The following URGCP variants were observed in gnomAD, a reference collection of about 807,000 sequenced individuals.
URGCP encodes upregulator of cell proliferation, also known as up-regulator of cell proliferation.
A neutral mutation model predicts 24.6 loss-of-function variants in URGCP; 13 were observed. That is an observed-to-expected ratio of 0.53 (90% CI 0.34 to 0.84). The LOEUF (loss-of-function observed/expected upper bound fraction) is 0.84. Ranked by LOEUF, URGCP falls within the 40% of genes least tolerant of loss-of-function variation. The pLI, the probability that URGCP is intolerant of heterozygous loss-of-function variation, is 0.01. For missense variants in URGCP, 899 were observed against 1,194.3 expected (o/e 0.75, Z 3.64); for synonymous variants, 444 against 487.2 (o/e 0.91, Z 1.17).
At chr7:43,903,194 C>CA (rs768015863) in intron 1 of URGCP, among the ~76,000 whole-genome samples, 10 of 149,482 alleles carry the variant, frequency 6.7e-5, no homozygotes, top group Non-Finnish European at 1.5e-4. Flanking sequence ...AAACAAAAAA[C>CA]AAATGTATGT....
Position 43,878,967 on chromosome 7 carries a change from C to T in URGCP, c.496G>A (p.Ala166Thr). 1.1e-5 allele frequency: 18 copies of T among 1,614,224 alleles called. No homozygotes were observed. The highest frequency in any genetic ancestry group is 1.5e-5 in the Non-Finnish European group (18 of 1,180,044). Residue 166 changes from alanine to threonine, a missense_variant, in exon 6 of 6, where the codon GCC (alanine) becomes ACC (threonine). Ala to Thr is a moderately conservative substitution (Grantham distance 58). Coordinates refer to ENST00000453200, the MANE Select transcript of URGCP (RefSeq NM_001077663.3). This position sits in a 1 kb window ranked among gnomAD's most constrained non-coding sequence, Gnocchi z 5.6. ...AGCTCAGAAAAGGAATAAATGTCGGCAGCAAGGTCATCAGCTGGGTCCCAG... is the reference window on the plus strand; with the variant it reads ...AGCTCAGAAAAGGAATAAATGTCGGTAGCAAGGTCATCAGCTGGGTCCCAG... ...IYWDPADDLA[A>T]DIYSFSELPT... is the part of the protein sequence containing the mutation.
chr7:43,883,358 ATATATT>A (rs2095857442), intron 3 of URGCP, among the ~76,000 whole-genome samples: 4 of 95,870 alleles, frequency 4.2e-5, no homozygotes, highest in East Asian at 2.2e-4. Context: ...ATATATATAT[ATATATT>A]TTTTTTTTTT....
chr7:43,883,021 G>T (rs893371869), intron 3 of URGCP, among the ~76,000 whole-genome samples: 5 of 152,142 alleles, frequency 3.3e-5, no homozygotes, highest in African/African-American at 1.2e-4. Flanking sequence ...TGCGGGGGGA[G>T]AGACAGTGGG....
chr7:43,916,380 C>T (rs536663497), intron 1 of URGCP, among the ~76,000 whole-genome samples: 7 of 152,274 alleles, frequency 4.6e-5, no homozygotes, highest in African/African-American at 1.7e-4. Flanking sequence ...GGACTCAATT[C>T]CACAGCTTGA....
chr7:43,904,035 G>C (rs573088917), intron 1 of URGCP, among the ~76,000 whole-genome samples: 1 of 152,328 alleles, frequency 6.6e-6, no homozygotes, highest in East Asian at 1.9e-4. Flanking sequence ...GGCAGCATGA[G>C]CTGCTCCCTG....
chr7:43,881,017 G>C lies in URGCP; in HGVS notation c.202+642C>G, dbSNP rs542528326. ...ACAGGACTGCCCCACAGAACATTAG[G>C]GGACCTATGAACTTGTTACAAAAAC... On this transcript the variant is annotated intron_variant, in intron 5 of 5. Transcript: ENST00000453200. The C allele has an allele frequency of 8.3e-4, 500 of 602,664 alleles. 4 individuals carry two copies. Among genetic ancestry groups the C allele is most frequent in the South Asian group, 7.5e-3 (380 of 50,340 alleles). 37.3% of individuals were successfully genotyped at this position (602,664 alleles called of 1,614,324 possible). A position where few individuals can be genotyped will look rare whatever the true frequency, so the allele number is the denominator to read the frequency against.
chr7:43,899,561 C>T (rs138817073), intron 1 of URGCP, among the ~76,000 whole-genome samples: 2 of 151,988 alleles, frequency 1.3e-5, no homozygotes, highest in African/African-American at 4.8e-5. Context: ...ACAAAACTTT[C>T]CAGAAAATAG....
intron 1 of URGCP, among the ~76,000 whole-genome samples, chr7:43,924,872 A>G (rs1338537389): frequency 6.6e-6 from 1 of 152,076 alleles, no homozygotes; most frequent in African/African-American, 2.4e-5. Flanking sequence ...CCTGGGCTCA[A>G]GTAAGCCTCC....
chr7:43,923,412 G>A (rs528033550), intron 1 of URGCP, among the ~76,000 whole-genome samples: 6 of 150,580 alleles, frequency 4.0e-5, no homozygotes, highest in Non-Finnish European at 8.8e-5. Flanking sequence ...TCAACCTCCC[G>A]AATAGCTGTG....
chr7:43,916,403 G>A (rs1197922437), intron 1 of URGCP, among the ~76,000 whole-genome samples: 1 of 152,146 alleles, frequency 6.6e-6, no homozygotes, highest in Non-Finnish European at 1.5e-5. Context: ...TTAGCATTCA[G>A]CTTGGTAAGG....
chr7:43,919,400 C>T (rs558102781), intron 1 of URGCP: 99 of 871,476 alleles, frequency 1.1e-4, no homozygotes, highest in Non-Finnish European at 1.9e-4. Context: ...TGGTGTCCAC[C>T]ATCATCTCGG....
chr7:43,899,731 C>T (rs1356551351), intron 1 of URGCP, among the ~76,000 whole-genome samples: 2 of 152,016 alleles, frequency 1.3e-5, no homozygotes, highest in Non-Finnish European at 2.9e-5. Context: ...TCACAAAAAC[C>T]TGGAAAAAAA....
intron 1 of URGCP, chr7:43,905,609 C>T (rs2095900279): frequency 6.6e-6 from 1 of 152,198 alleles, no homozygotes; most frequent in African/African-American, 2.4e-5. Flanking sequence ...ACCCCTACCA[C>T]TGAACACACA....
intron 1 of URGCP, among the ~76,000 whole-genome samples, chr7:43,894,150 A>G (rs76647439): frequency 0.033 from 5,094 of 152,248 alleles, 258 homozygotes; most frequent in African/African-American, 0.12. Flanking sequence ...TTCAATACCC[A>G]TTTTCAGCAC....
At chr7:43,921,320 C>T (rs545726430) in intron 1 of URGCP, among the ~76,000 whole-genome samples, 3 of 139,632 alleles carry the variant, frequency 2.1e-5, no homozygotes, top group Admixed American at 7.3e-5. Context: ...AGCGAGACTC[C>T]GTCTCAAAAA....
intron 3 of URGCP, among the ~76,000 whole-genome samples, chr7:43,882,490 C>T (rs1421364392): frequency 2.6e-5 from 4 of 151,960 alleles, no homozygotes; most frequent in East Asian, 1.9e-4. Flanking sequence ...CATGATGCCA[C>T]GAGCCTGTGG....
intron 1 of URGCP, among the ~76,000 whole-genome samples, chr7:43,923,004 G>A (rs571279494): frequency 1.4e-3 from 201 of 148,156 alleles, no homozygotes; most frequent in African/African-American, 4.9e-3. Context: ...TCTTTTAGAA[G>A]GAGTCTCGCT....
At chr7:43,923,587 C>T (rs905566839) in intron 1 of URGCP, among the ~76,000 whole-genome samples, 1 of 152,122 alleles carries the variant, frequency 6.6e-6, no homozygotes, top group African/African-American at 2.4e-5. Context: ...CACACCCAGC[C>T]TGATTTTTTT....
chr7:43,910,354 T>G (rs2095908655), upstream of URGCP, among the ~76,000 whole-genome samples: 2 of 149,762 alleles, frequency 1.3e-5, no homozygotes, highest in Non-Finnish European at 1.5e-5. Flanking sequence ...TAGCTGGGAC[T>G]ACAGGCATGT....
Sources: allele counts gnomAD v4.1 joint callset (sites outside exome capture counted in the v4.1 genomes callset), GRCh38; gene constraint gnomAD v4.1.1; non-coding constraint Gnocchi (gnomAD v3.1); transcripts MANE v1.5; gene names NCBI Gene and HGNC (gene_info 2026-07-23, HGNC 2026-07-21).